Variants in TMEM135 observed in about 807,000 individuals in gnomAD.
TMEM135 encodes transmembrane protein 135.
A neutral mutation model predicts 60.3 loss-of-function variants in TMEM135; 30 were observed. The ratio of observed to expected loss-of-function variants is 0.50; its 90% CI spans 0.37 to 0.68. TMEM135 has a LOEUF of 0.68. Ranked by LOEUF, TMEM135 falls within the 30% of genes least tolerant of loss-of-function variation. The pLI, the probability that TMEM135 is intolerant of heterozygous loss-of-function variation, is 0.00. For missense variants in TMEM135, 468 were observed against 548.8 expected (o/e 0.85, Z 1.47); for synonymous variants, 190 against 186.7 (o/e 1.02, Z -0.14).
chr11:87,192,951 C>T (rs1446127062), intron 5 of TMEM135, among the ~76,000 whole-genome samples: 1 of 152,054 alleles, frequency 6.6e-6, no homozygotes, highest in African/African-American at 2.4e-5. Flanking sequence ...CCCGTCTCTA[C>T]TAAAAATATA....
chr11:87,129,898 G>GA (rs1937868404), intron 4 of TMEM135, among the ~76,000 whole-genome samples: 2 of 147,414 alleles, frequency 1.4e-5, no homozygotes, highest in South Asian at 4.3e-4. Context: ...TCTGTCTTTG[G>GA]AAAAAATGTA....
chr11:87,095,178 G>A, intron 4 of TMEM135: 1 of 180,018 alleles, frequency 5.6e-6, no homozygotes. Context: ...GCTTCATAAT[G>A]CTCCATGGAT....
intron 1 of TMEM135, among the ~76,000 whole-genome samples, chr11:87,054,452 A>G (rs913862593): frequency 2.6e-5 from 4 of 152,138 alleles, no homozygotes; most frequent in African/African-American, 7.2e-5. Context: ...AAAAAGAAAA[A>G]AAGAAAAATA....
At chr11:87,251,330 G>A (rs904225766) in intron 6 of TMEM135, among the ~76,000 whole-genome samples, 3 of 152,116 alleles carry the variant, frequency 2.0e-5, no homozygotes, top group African/African-American at 7.2e-5. Context: ...TAGGCAGTAG[G>A]AAAGGAGTCA....
intron 6 of TMEM135, among the ~76,000 whole-genome samples, chr11:87,252,440 T>C (rs1321514959): frequency 6.6e-6 from 1 of 152,166 alleles, no homozygotes; most frequent in Non-Finnish European, 1.5e-5. Context: ...GCTTTCTAAA[T>C]ACATGGTCTT....
At chr11:87,042,429 A>C (rs1484570907) in intron 1 of TMEM135, among the ~76,000 whole-genome samples, 1 of 152,154 alleles carries the variant, frequency 6.6e-6, no homozygotes, top group African/African-American at 2.4e-5. Context: ...AGTTAGTATG[A>C]TATTTTAAGT....
Position 87,137,945 on chromosome 11 carries a change from C to T in TMEM135, c.397-19396C>T, listed in dbSNP as rs75940455. On this transcript the variant is annotated intron_variant, in intron 4 of 14. Transcript: ENST00000305494. Reference sequence around the variant, plus strand: ...TAAATTCCTGAATTACTTACCAGCCCACATCTCTAAACAGAAGTAACATAC... The same window carrying T: ...TAAATTCCTGAATTACTTACCAGCCTACATCTCTAAACAGAAGTAACATAC... 5.7e-3 allele frequency among the ~76,000 whole-genome samples: 863 copies of T among 152,104 alleles called. 6 individuals are homozygous for T. The highest frequency in any genetic ancestry group is 9.9e-3 in the Non-Finnish European group (673 of 67,974).
At chr11:87,115,900 A>G (rs969579413) in intron 4 of TMEM135, among the ~76,000 whole-genome samples, 6 of 152,088 alleles carry the variant, frequency 3.9e-5, no homozygotes, top group African/African-American at 1.4e-4. Flanking sequence ...GATATTTATT[A>G]AACATTAAAT....
chr11:87,313,970 A>G (rs934739463), intron 11 of TMEM135, among the ~76,000 whole-genome samples: 4 of 151,862 alleles, frequency 2.6e-5, no homozygotes, highest in Non-Finnish European at 5.9e-5. Context: ...GGTATTTATT[A>G]GGAATAACCT....
At chr11:87,213,943 A>G (rs1378839294) in intron 5 of TMEM135, among the ~76,000 whole-genome samples, 1 of 152,218 alleles carries the variant, frequency 6.6e-6, no homozygotes, top group Non-Finnish European at 1.5e-5. Context: ...GAAAATATGT[A>G]TATAAGTGAA....
intron 4 of TMEM135, among the ~76,000 whole-genome samples, chr11:87,132,883 A>G (rs1243249717): frequency 6.6e-6 from 1 of 152,162 alleles, no homozygotes; most frequent in East Asian, 1.9e-4. Context: ...TTTCACAATA[A>G]GGGATTAGTA....
intron 4 of TMEM135, among the ~76,000 whole-genome samples, chr11:87,144,876 T>C (rs1430984830): frequency 2.6e-5 from 4 of 152,280 alleles, no homozygotes; most frequent in South Asian, 2.1e-4. Context: ...AGCAATGTTA[T>C]AATCTATGAA....
intron 5 of TMEM135, among the ~76,000 whole-genome samples, chr11:87,186,964 A>G (rs1468242963): frequency 6.6e-6 from 1 of 152,208 alleles, no homozygotes; most frequent in East Asian, 1.9e-4. Flanking sequence ...ATTATTGTGT[A>G]GTTAATACTA....
chr11:87,204,861 G>A (rs1034689753), intron 5 of TMEM135, among the ~76,000 whole-genome samples: 1 of 151,944 alleles, frequency 6.6e-6, no homozygotes, highest in African/African-American at 2.4e-5. Flanking sequence ...TTGTTCAAGG[G>A]TCAACTTATA....
intron 7 of TMEM135, among the ~76,000 whole-genome samples, chr11:87,299,782 T>A (rs1942412114): frequency 6.6e-6 from 1 of 152,138 alleles, no homozygotes; most frequent in African/African-American, 2.4e-5. Flanking sequence ...AGGCAAACCT[T>A]ACCTAGCGTC....
At chr11:87,157,490 T>A in intron 5 of TMEM135, 84 bp downstream of exon 5, 2 of 1,200,456 alleles carry the variant, frequency 1.7e-6, no homozygotes, top group South Asian at 2.5e-5. Flanking sequence ...AAATCTATGA[T>A]GCTTTGTCTA....
intron 5 of TMEM135, among the ~76,000 whole-genome samples, chr11:87,167,582 TTGG>T (rs1939091298): frequency 6.6e-6 from 1 of 152,210 alleles, no homozygotes; most frequent in Non-Finnish European, 1.5e-5. Context: ...GTTTTTGCCA[TTGG>T]TTCTGTTTAT....
intron 5 of TMEM135, among the ~76,000 whole-genome samples, chr11:87,193,450 A>G (rs1939864502): frequency 2.0e-5 from 3 of 152,014 alleles, no homozygotes. Flanking sequence ...CTTCTGTTTT[A>G]TTTTCCCATT....
chr11:87,128,300 T>TA (rs1937795775), intron 4 of TMEM135, among the ~76,000 whole-genome samples: 1 of 152,222 alleles, frequency 6.6e-6, no homozygotes, highest in Non-Finnish European at 1.5e-5. Context: ...TATACATGTT[T>TA]ACGTATTTGC....
Sources: allele counts gnomAD v4.1 joint callset (sites outside exome capture counted in the v4.1 genomes callset), GRCh38; gene constraint gnomAD v4.1.1; transcripts MANE v1.5; gene names NCBI Gene and HGNC (gene_info 2026-07-23, HGNC 2026-07-21).